The following PCDH15 variants were observed in gnomAD, a reference collection of about 807,000 sequenced individuals.
PCDH15 encodes the protein protocadherin related 15.
A neutral mutation model predicts 178.5 loss-of-function variants in PCDH15; 129 were observed. The observed-to-expected ratio is 0.72, with a 90% CI of 0.63 to 0.84. The LOEUF (loss-of-function observed/expected upper bound fraction) is 0.84. Ranked by LOEUF, PCDH15 falls within the 40% of genes least tolerant of loss-of-function variation. The pLI is 0.00. For synonymous variants in PCDH15, 800 were observed against 732.0 expected (o/e 1.09, Z -1.50); for missense variants, 2,230 against 2,099.9 (o/e 1.06, Z -1.21).
intron 3 of PCDH15, among the ~76,000 whole-genome samples, chr10:54,524,618 T>C (rs576442898): frequency 5.3e-5 from 8 of 152,324 alleles, no homozygotes; most frequent in Non-Finnish European, 1.0e-4. Flanking sequence ...CAAGAGAAAC[T>C]AGAAAATATC....
At chr10:55,292,984 A>C (rs181066786) in intron 1 of PCDH15, among the ~76,000 whole-genome samples, 1 of 152,276 alleles carries the variant, frequency 6.6e-6, no homozygotes, top group African/African-American at 2.4e-5. Flanking sequence ...CTCCGACTCC[A>C]TATTTCCCTT....
intron 5 of PCDH15, among the ~76,000 whole-genome samples, chr10:54,349,912 T>G (rs1436933090): frequency 4.6e-5 from 7 of 152,168 alleles, no homozygotes; most frequent in African/African-American, 1.7e-4. Context: ...TAAATTTCCC[T>G]AATCATATTT....
At chr10:55,275,574 A>G (rs1402776458) in intron 1 of PCDH15, among the ~76,000 whole-genome samples, 1 of 151,980 alleles carries the variant, frequency 6.6e-6, no homozygotes, top group African/African-American at 2.4e-5. Flanking sequence ...CGTACTTATA[A>G]GAATTTGGGT....
intron 2 of PCDH15, among the ~76,000 whole-genome samples, chr10:55,376,372 C>A (rs781426382): frequency 4.6e-5 from 7 of 152,020 alleles, no homozygotes; most frequent in Non-Finnish European, 8.8e-5. Flanking sequence ...TTGCCCTTGG[C>A]GTCTCAGGTT....
At chr10:55,348,208 A>G (rs866114576) in intron 2 of PCDH15, among the ~76,000 whole-genome samples, 1 of 152,180 alleles carries the variant, frequency 6.6e-6, no homozygotes. Flanking sequence ...TAAAAAATAC[A>G]AAATATAATT....
chr10:54,622,653 AC>A (rs1565777028), intron 2 of PCDH15, among the ~76,000 whole-genome samples: 12 of 93,740 alleles, frequency 1.3e-4, no homozygotes, highest in East Asian at 2.8e-4. Flanking sequence ...TTATATATAT[AC>A]TATATAATAT....
intron 23 of PCDH15, among the ~76,000 whole-genome samples, chr10:53,941,278 T>C (rs945067135): frequency 6.6e-6 from 1 of 152,170 alleles, no homozygotes; most frequent in African/African-American, 2.4e-5. Context: ...TGTAGTATCA[T>C]ATAGGGTATT....
At chr10:54,583,228 T>C (rs1930161) in intron 2 of PCDH15, among the ~76,000 whole-genome samples, 2,091 of 152,230 alleles carry the variant, frequency 0.014, 43 homozygotes, top group African/African-American at 0.047. Flanking sequence ...AATTCTCATA[T>C]GAAATATTTT....
intron 1 of PCDH15, among the ~76,000 whole-genome samples, chr10:54,752,291 A>G (rs1946345647): frequency 6.6e-6 from 1 of 151,526 alleles, no homozygotes; most frequent in Non-Finnish European, 1.5e-5. Flanking sequence ...CCTGGCTAAC[A>G]TGGTGAAACC....
intron 1 of PCDH15, among the ~76,000 whole-genome samples, chr10:55,303,923 G>A (rs1002889927): frequency 2.2e-4 from 33 of 151,926 alleles, no homozygotes; most frequent in Non-Finnish European, 1.3e-4. Flanking sequence ...CCTTCATTCT[G>A]TTGCATAGCA....
intron 15 of PCDH15, among the ~76,000 whole-genome samples, chr10:54,102,370 A>T (rs1009047862): frequency 1.3e-5 from 2 of 152,240 alleles, no homozygotes; most frequent in African/African-American, 4.8e-5. Context: ...TGCCAAGTCA[A>T]TGGCTGTATA....
chr10:54,037,446 T>G (rs2093441260), intron 18 of PCDH15, among the ~76,000 whole-genome samples: 2 of 151,944 alleles, frequency 1.3e-5, no homozygotes, highest in Admixed American at 1.3e-4. Flanking sequence ...CAAGACCCTC[T>G]ATCTGTATAA....
chr10:55,268,972 G>T (rs1290690881), intron 1 of PCDH15, among the ~76,000 whole-genome samples: 1 of 152,070 alleles, frequency 6.6e-6, no homozygotes, highest in Non-Finnish European at 1.5e-5. Flanking sequence ...ATCCAAGGCT[G>T]GTCCAACATA....
intron 2 of PCDH15, among the ~76,000 whole-genome samples, chr10:55,075,258 C>T (rs1841855193): frequency 6.6e-6 from 1 of 151,720 alleles, no homozygotes; most frequent in Admixed American, 6.6e-5. Context: ...CTAATGATTC[C>T]TTGTATTTGT....
chr10:54,206,637 C>T (rs2050824213), intron 10 of PCDH15, among the ~76,000 whole-genome samples: 1 of 151,946 alleles, frequency 6.6e-6, no homozygotes, highest in South Asian at 2.1e-4. Flanking sequence ...TTTAAAAAAT[C>T]ATTAACATAA....
chr10:54,696,807 G>A (rs1186609837), intron 1 of PCDH15, among the ~76,000 whole-genome samples: 1 of 152,014 alleles, frequency 6.6e-6, no homozygotes, highest in Non-Finnish European at 1.5e-5. Context: ...TAGCTATCCT[G>A]AAAACTTTTA....
intron 20 of PCDH15, among the ~76,000 whole-genome samples, chr10:53,999,826 T>C (rs1212432517): frequency 2.0e-5 from 3 of 152,048 alleles, no homozygotes. Flanking sequence ...CACCTGCTGA[T>C]TATAGAGACC....
At chr10:55,495,981 A>G (rs942354651) in intron 2 of PCDH15, among the ~76,000 whole-genome samples, 5 of 151,930 alleles carry the variant, frequency 3.3e-5, no homozygotes, top group Non-Finnish European at 7.4e-5. Flanking sequence ...TCTATAAGAC[A>G]GAAAGTAGAC....
At chr10:55,431,731 T>G (rs1187957783) in intron 2 of PCDH15, among the ~76,000 whole-genome samples, 25 of 152,124 alleles carry the variant, frequency 1.6e-4, no homozygotes, top group Admixed American at 1.6e-3. Flanking sequence ...CTATGTTACT[T>G]TTAATGGAAT....
Sources: gnomAD v4.1 joint callset for allele counts (sites outside exome capture counted in the v4.1 genomes callset) on GRCh38, gnomAD v4.1.1 for gene constraint, MANE v1.5 for transcripts, NCBI Gene and HGNC (gene_info 2026-07-23, HGNC 2026-07-21) for gene names.